Variants in RALYL observed in about 807,000 individuals in gnomAD.
RALYL encodes the protein RNA-binding Raly-like protein.
A neutral mutation model predicts 35.1 loss-of-function variants in RALYL; 29 were observed. That is an observed-to-expected ratio of 0.83 (90% CI 0.61 to 1.13). The LOEUF is 1.13. Among genes scored for constraint, RALYL ranks in the 50% most tolerant of loss-of-function variants. RALYL has a pLI of 0.00. For missense variants in RALYL, 359 were observed against 360.4 expected (o/e 1.00, Z 0.03); for synonymous variants, 120 against 127.6 (o/e 0.94, Z 0.40).
intron 2 of RALYL, among the ~76,000 whole-genome samples, chr8:84,617,265 C>T (rs1272728566): frequency 6.6e-6 from 1 of 151,700 alleles, no homozygotes; most frequent in Non-Finnish European, 1.5e-5. Context: ...TCTTTTATTT[C>T]CTTGAGCAGT....
chr8:84,811,607 G>A (rs1397422988), intron 4 of RALYL, among the ~76,000 whole-genome samples: 2 of 152,100 alleles, frequency 1.3e-5, no homozygotes, highest in African/African-American at 2.4e-5. Flanking sequence ...CCCCAAATAT[G>A]TTTTCCATAC....
intron 1 of RALYL, among the ~76,000 whole-genome samples, chr8:84,528,361 G>GGGAA (rs962154934): frequency 2.6e-5 from 4 of 151,780 alleles, no homozygotes; most frequent in Non-Finnish European, 4.4e-5. Context: ...AAGGAAAGAA[G>GGGAA]GGAAGGAAGG....
At chr8:84,687,756 ATTT>A (rs1227539293) in intron 2 of RALYL, among the ~76,000 whole-genome samples, 1 of 151,830 alleles carries the variant, frequency 6.6e-6, no homozygotes, top group African/African-American at 2.4e-5. Flanking sequence ...AAATTCTGTA[ATTT>A]TTTTTGTTTG....
intron 1 of RALYL, among the ~76,000 whole-genome samples, chr8:84,424,622 C>T (rs1367519642): frequency 1.5e-4 from 22 of 151,584 alleles, no homozygotes; most frequent in South Asian, 2.1e-4. Context: ...GGAGGAGAGA[C>T]GCTCTGTGTT....
intron 1 of RALYL, among the ~76,000 whole-genome samples, chr8:84,427,698 A>G (rs2046652186): frequency 6.6e-6 from 1 of 152,016 alleles, no homozygotes; most frequent in Non-Finnish European, 1.5e-5. Flanking sequence ...TGCTCAGAAT[A>G]TCTCCTGTTC....
At chr8:84,817,457 C>T (rs921905277) in intron 4 of RALYL, among the ~76,000 whole-genome samples, 2 of 151,660 alleles carry the variant, frequency 1.3e-5, no homozygotes, top group Non-Finnish European at 2.9e-5. Flanking sequence ...CTGTCACTTC[C>T]TAGACAGATG....
In RALYL at chr8:84,208,920, T is replaced by C. The variant is rs915522507; in HGVS notation, c.-24+24496T>C. Among the ~76,000 whole-genome samples the C allele has an allele frequency of 4.6e-5, 7 of 151,450 alleles. No individual in the cohort carries two copies. In the East Asian group the frequency reaches 9.7e-4, roughly 21 times the overall value. ...CTCTGTCTAGGAAGCCAGGGTAAAA[T>C]AGATGAATAAGGAAGGAGACATTTT... is the stretch of plus-strand genomic sequence containing the variant. On this transcript the variant is annotated intron_variant, in intron 1 of 8. Transcript: ENST00000521268.
intron 1 of RALYL, among the ~76,000 whole-genome samples, chr8:84,284,592 T>G (rs1563667513): frequency 6.6e-6 from 1 of 152,156 alleles, no homozygotes; most frequent in Non-Finnish European, 1.5e-5. Flanking sequence ...AACAGGGTTG[T>G]TCAAGGAAAG....
At chr8:84,488,590 A>G (rs1316997554) in intron 1 of RALYL, among the ~76,000 whole-genome samples, 2 of 151,966 alleles carry the variant, frequency 1.3e-5, no homozygotes, top group African/African-American at 4.8e-5. Flanking sequence ...CTCCTGTACA[A>G]TCATTTCCAT....
rs1056883532 is a variant in RALYL, at chr8:84,529,222, A to T, written c.-23-77A>T. The T allele has an allele frequency of 2.0e-5, 30 of 1,465,040 alleles. No individual in the cohort carries two copies. The South Asian group carries it at 3.8e-4, about 19-fold the overall frequency. 90.8% of individuals were successfully genotyped at this position (1,465,040 alleles called of 1,614,324 possible). A position where few individuals can be genotyped will look rare whatever the true frequency, so the allele number is the denominator to read the frequency against. On this transcript the variant is annotated intron_variant, in intron 1 of 8. Transcript: ENST00000521268. ...TGAGTGTAATATTGAAAAACTGTTAAAAAGCCACTGATACCCATTCGATCT... is the reference window on the plus strand; with the variant it reads ...TGAGTGTAATATTGAAAAACTGTTATAAAGCCACTGATACCCATTCGATCT...
intron 2 of RALYL, among the ~76,000 whole-genome samples, chr8:84,671,861 T>C (rs1833322530): frequency 6.6e-6 from 1 of 152,216 alleles, no homozygotes; most frequent in Non-Finnish European, 1.5e-5. Context: ...AGTTAACATT[T>C]ACTCCTCATT....
intron 1 of RALYL, among the ~76,000 whole-genome samples, chr8:84,247,388 C>G (rs1437822966): frequency 6.6e-6 from 1 of 152,012 alleles, no homozygotes; most frequent in Non-Finnish European, 1.5e-5. Flanking sequence ...GTACATGTAA[C>G]TGGTAGGCAC....
At chr8:84,636,869 A>G (rs561175835) in intron 2 of RALYL, among the ~76,000 whole-genome samples, 4 of 152,008 alleles carry the variant, frequency 2.6e-5, no homozygotes, top group East Asian at 1.9e-4. Flanking sequence ...AAATAACAGT[A>G]TCATGTTTCT....
At chr8:84,717,550 G>A (rs1365764205) in intron 2 of RALYL, among the ~76,000 whole-genome samples, 1 of 152,114 alleles carries the variant, frequency 6.6e-6, no homozygotes, top group East Asian at 1.9e-4. Flanking sequence ...TGCCCACATT[G>A]TTAATATTTA....
intron 1 of RALYL, among the ~76,000 whole-genome samples, chr8:84,498,679 T>A (rs912269818): frequency 2.0e-5 from 3 of 152,140 alleles, no homozygotes; most frequent in Non-Finnish European, 4.4e-5. Context: ...CTTATTCACA[T>A]CCACATGAAA....
intron 2 of RALYL, among the ~76,000 whole-genome samples, chr8:84,647,703 A>ACATT (rs1394951118): frequency 6.6e-6 from 1 of 152,022 alleles, no homozygotes; most frequent in Non-Finnish European, 1.5e-5. Context: ...CATGAAGCTT[A>ACATT]CATTCCATGG....
At chr8:84,687,613 T>C (rs750435830) in intron 2 of RALYL, among the ~76,000 whole-genome samples, 1 of 152,142 alleles carries the variant, frequency 6.6e-6, no homozygotes, top group Non-Finnish European at 1.5e-5. Flanking sequence ...AAAATTGTAA[T>C]AATTTAAAAA....
intron 2 of RALYL, among the ~76,000 whole-genome samples, chr8:84,684,423 T>A (rs553194670): frequency 1.3e-5 from 2 of 152,158 alleles, no homozygotes; most frequent in South Asian, 4.1e-4. Context: ...GGAGACTCAG[T>A]GGGAATTATG....
chr8:84,365,348 A>C (rs369531486), intron 1 of RALYL, among the ~76,000 whole-genome samples: 5 of 152,096 alleles, frequency 3.3e-5, no homozygotes, highest in African/African-American at 1.2e-4. Context: ...TTTCCTTTTC[A>C]AATTGTGTTA....
Sources: gnomAD v4.1 joint callset for allele counts (sites outside exome capture counted in the v4.1 genomes callset) on GRCh38, gnomAD v4.1.1 for gene constraint, MANE v1.5 for transcripts, NCBI Gene and HGNC (gene_info 2026-07-23, HGNC 2026-07-21) for gene names.